The following ALDH18A1 variants were observed in gnomAD, a reference collection of about 807,000 sequenced individuals.
ALDH18A1 encodes delta-1-pyrroline-5-carboxylate synthase.
A neutral mutation model predicts 88.8 loss-of-function variants in ALDH18A1; 44 were observed. The ratio of observed to expected loss-of-function variants is 0.50; its 90% CI spans 0.39 to 0.64. The LOEUF (loss-of-function observed/expected upper bound fraction) is 0.64. Ranked by LOEUF, ALDH18A1 falls within the 30% of genes least tolerant of loss-of-function variation. ALDH18A1 has a pLI of 0.00. For missense variants in ALDH18A1, 782 were observed against 1,009.5 expected (o/e 0.77, Z 3.05); for synonymous variants, 331 against 372.1 (o/e 0.89, Z 1.27).
chr10:95,631,742 C>CAAAA (rs71034341), intron 7 of ALDH18A1, among the ~76,000 whole-genome samples: 148 of 76,414 alleles, frequency 1.9e-3, no homozygotes, highest in South Asian at 3.3e-3. Flanking sequence ...GGCTCTGCCT[C>CAAAA]AAAAAAAAAA....
intron 2 of ALDH18A1, among the ~76,000 whole-genome samples, chr10:95,647,828 T>A (rs561444876): frequency 1.3e-5 from 2 of 152,338 alleles, no homozygotes; most frequent in African/African-American, 4.8e-5. Context: ...TAAGTCTCCA[T>A]AAGAGGTCCA....
chr10:95,653,368 G>A lies in ALDH18A1; in HGVS notation c.10C>T (p.Gln4Ter). 6.2e-7 allele frequency: 1 copy of A among 1,613,160 alleles called. No homozygotes were observed. The highest frequency in any genetic ancestry group is 1.6e-4 in the Middle Eastern group (1 of 6,062). ...GGCTGGAACCCACAGCGGTAAACTT[G>A]ACTCAACATGCTGCGATGTGGTCAC... MLS[Q>*]VYRCGFQPFN... Residue 4 changes from glutamine (Q) to a stop codon, truncating the protein, a stop_gained, in exon 2 of 18, where the codon CAA becomes TAA. Coordinates refer to ENST00000371224, the MANE Select transcript of ALDH18A1 (RefSeq NM_002860.4). LOFTEE classifies it high-confidence loss of function.
chr10:95,641,922 G>C (rs920673360), intron 3 of ALDH18A1, among the ~76,000 whole-genome samples: 1 of 152,074 alleles, frequency 6.6e-6, no homozygotes, highest in African/African-American at 2.4e-5. Flanking sequence ...GATTACAGGC[G>C]CAAGTCACCA....
At chr10:95,627,393 G>A (rs189258994) in intron 9 of ALDH18A1, 49 bp downstream of exon 9, 1 of 1,609,008 alleles carries the variant, frequency 6.2e-7, no homozygotes, top group East Asian at 2.2e-5. Flanking sequence ...TAAGCCAGGT[G>A]TCACTAGTTC....
chr10:95,655,423 A>G (rs928080322), intron 1 of ALDH18A1, among the ~76,000 whole-genome samples: 2 of 152,148 alleles, frequency 1.3e-5, no homozygotes, highest in African/African-American at 4.8e-5. Flanking sequence ...TTCCTTCAAG[A>G]CCCATCACGG....
chr10:95,624,085 G>C (rs2485643), intron 11 of ALDH18A1, among the ~76,000 whole-genome samples: 119,000 of 152,170 alleles, frequency 0.78, 47,021 homozygotes, highest in Middle Eastern at 0.87. Flanking sequence ...GATCTGCCCA[G>C]CTTGGCCTCT....
At chr10:95,637,505 G>GAAA in intron 3 of ALDH18A1, 69 bp from the exon 4 acceptor site, 1 of 1,589,656 alleles carries the variant, frequency 6.3e-7, no homozygotes, top group Non-Finnish European at 8.6e-7. Context: ...CACAAGGGAT[G>GAAA]GAGGTAGGGT....
chr10:95,606,471 CCTT>C lies in ALDH18A1; in HGVS notation c.*288_*290del. On this transcript the variant is annotated 3_prime_UTR_variant, in exon 18 of 18. Transcript: ENST00000371224. ...ACAAAGCAGCCATGGGTTTTCCTCG[CCTT>C]TTTTATGGGGAAAATGCACCTTTCA... 7.2e-6 allele frequency: 9 copies of C among 1,258,196 alleles called. No individual in the cohort carries two copies. Among genetic ancestry groups the C allele is most frequent in the Non-Finnish European group, 9.1e-6 (9 of 991,742 alleles). The allele number at this position is 1,258,196 out of a possible 1,614,324, so 77.9% of individuals were successfully genotyped here.
intron 2 of ALDH18A1, among the ~76,000 whole-genome samples, chr10:95,651,318 A>C (rs2097910060): frequency 6.6e-6 from 1 of 152,204 alleles, no homozygotes; most frequent in African/African-American, 2.4e-5. Flanking sequence ...GACCACATCA[A>C]ATGACGGTAA....
chr10:95,621,629 T>A (rs1242324827), intron 11 of ALDH18A1, among the ~76,000 whole-genome samples: 2 of 152,074 alleles, frequency 1.3e-5, no homozygotes, highest in African/African-American at 4.8e-5. Context: ...TGTGTCTTGA[T>A]GTTTTACTGA....
intron 2 of ALDH18A1, among the ~76,000 whole-genome samples, chr10:95,651,445 T>A (rs145326829): frequency 6.6e-6 from 1 of 152,198 alleles, no homozygotes; most frequent in African/African-American, 2.4e-5. Flanking sequence ...ATTCTTGCAT[T>A]GCTGTAAAGA....
chr10:95,646,386 G>A (rs181444810), intron 2 of ALDH18A1, among the ~76,000 whole-genome samples: 2 of 152,122 alleles, frequency 1.3e-5, no homozygotes, highest in African/African-American at 4.8e-5. Flanking sequence ...GGTAGTCAAG[G>A]GTCATTCTGG....
rs2097857706 is a variant in ALDH18A1, at chr10:95,624,442, T to C, written c.1246+920A>G. Reference sequence around the variant, plus strand: ...GTTTTGTAATACTATAAAAATGAGATGTAAATTCTAGAGGAAGTTCTAAAA... The same window carrying C: ...GTTTTGTAATACTATAAAAATGAGACGTAAATTCTAGAGGAAGTTCTAAAA... On this transcript the variant is annotated intron_variant, in intron 11 of 17. Transcript: ENST00000371224. Among the ~76,000 whole-genome samples the C allele has an allele frequency of 1.3e-5, 2 of 152,240 alleles. 1 individual carries two copies. Among genetic ancestry groups the C allele is most frequent in the South Asian group, 4.1e-4 (2 of 4,834 alleles).
intron 3 of ALDH18A1, among the ~76,000 whole-genome samples, chr10:95,640,633 T>C (rs780098454): frequency 1.6e-4 from 24 of 152,352 alleles, no homozygotes; most frequent in Non-Finnish European, 3.4e-4. Context: ...TAAGCCACTG[T>C]GCCCAGCTGT....
intron 3 of ALDH18A1, among the ~76,000 whole-genome samples, chr10:95,638,637 A>G (rs1393944726): frequency 6.6e-6 from 1 of 152,094 alleles, no homozygotes; most frequent in Non-Finnish European, 1.5e-5. Flanking sequence ...GTCTAATCCT[A>G]TGGGTTGCCT....
chr10:95,633,696 A>G (rs1331264639), intron 5 of ALDH18A1, 47 bp from the exon 6 acceptor site: 1 of 1,603,882 alleles, frequency 6.2e-7, no homozygotes, highest in South Asian at 1.1e-5. Flanking sequence ...GAAAAACGCT[A>G]AACTTCCCAG....
chr10:95,650,909 G>A (rs1315463445), intron 2 of ALDH18A1, among the ~76,000 whole-genome samples: 1 of 152,120 alleles, frequency 6.6e-6, no homozygotes, highest in African/African-American at 2.4e-5. Context: ...TGAGGTGGGG[G>A]GATCACTTGA....
chr10:95,642,458 T>C (rs183350000), intron 3 of ALDH18A1, among the ~76,000 whole-genome samples: 7 of 152,130 alleles, frequency 4.6e-5, no homozygotes, highest in Admixed American at 4.6e-4. Flanking sequence ...CTACGAAAAA[T>C]ACAAAAATTT....
chr10:95,634,050 G>T (rs2097876102), intron 5 of ALDH18A1, among the ~76,000 whole-genome samples: 1 of 151,862 alleles, frequency 6.6e-6, no homozygotes, highest in Non-Finnish European at 1.5e-5. Context: ...CAAGTGATGG[G>T]ATTACAGGTG....
Sources: gnomAD v4.1 joint callset for allele counts (sites outside exome capture counted in the v4.1 genomes callset) on GRCh38, gnomAD v4.1.1 for gene constraint, MANE v1.5 for transcripts, NCBI Gene and HGNC (gene_info 2026-07-23, HGNC 2026-07-21) for gene names.